Variants in TBCD observed in about 807,000 individuals in gnomAD.
TBCD encodes tubulin folding cofactor D, also known as tubulin-specific chaperone D.
Under a neutral mutation model 169.3 loss-of-function variants are expected in TBCD, and 105 were observed. The observed-to-expected ratio is 0.62, with a 90% CI of 0.53 to 0.73. The LOEUF (loss-of-function observed/expected upper bound fraction) is 0.73, where lower values mean the gene tolerates loss of function less well. Among genes scored for constraint, TBCD ranks in the 30% least tolerant of loss-of-function variants. The pLI, the probability that TBCD is intolerant of heterozygous loss-of-function variation, is 0.00. For missense variants in TBCD, 1,444 were observed against 1,600.1 expected (o/e 0.90, Z 1.66); for synonymous variants, 700 against 643.9 (o/e 1.09, Z -1.32).
At chr17:82,795,579 T>TA in intron 7 of TBCD, 3 of 985,618 alleles carry the variant, frequency 3.0e-6, no homozygotes, top group Non-Finnish European at 2.4e-6. Flanking sequence ...CTGCAGGTGA[T>TA]ACGGTGGTGC....
At chr17:82,933,213 T>C (rs2062352123) in intron 34 of TBCD, among the ~76,000 whole-genome samples, 1 of 151,316 alleles carries the variant, frequency 6.6e-6, no homozygotes, top group Non-Finnish European at 1.5e-5. Context: ...TGGCTCTGAG[T>C]GGTCATCTCG....
chr17:82,810,717 A>G (rs2051370668), intron 12 of TBCD, among the ~76,000 whole-genome samples: 2 of 152,244 alleles, frequency 1.3e-5, no homozygotes, highest in Admixed American at 6.5e-5. Flanking sequence ...GGTCGAGAGC[A>G]GGCGTCCAGC....
chr17:82,905,937 C>G lies in TBCD; in HGVS notation c.1806C>G (p.Val602=), dbSNP rs200014578. 80 of 1,610,156 alleles carry G rather than the reference C, an allele frequency of 5.0e-5. 1 individual carries two copies. The African/African-American group carries it at 8.4e-4, about 17-fold the overall frequency. The change falls in exon 20 of 39, where the codon GTC becomes GTG. Residue 602 remains valine (V), a splice_region_variant and synonymous_variant. Transcript: ENST00000355528. ...CCCTCTCGGCCCTGTCTCTTGCAGT[C>G]TTCCCGAGGCTGCTGTCCATGACAC... ...QQAPEFSATQ[V]FPRLLSMTLS...
At chr17:82,828,007 C>G (rs1458693282) in intron 13 of TBCD, among the ~76,000 whole-genome samples, 1 of 150,606 alleles carries the variant, frequency 6.6e-6, no homozygotes, top group Non-Finnish European at 1.5e-5. Flanking sequence ...GCACACACAC[C>G]TGCAGATATG....
chr17:82,920,000 C>T lies in TBCD; in HGVS notation c.2039-556C>T, dbSNP rs1247079477. On this transcript the variant is annotated intron_variant, in intron 23 of 38. Transcript: ENST00000355528. ...TAGGTAGAGACGGTGGGAGCTAGAGCAGTGTGTGGCCGTGGGAGCTGCTGA... is the reference window on the plus strand; with the variant it reads ...TAGGTAGAGACGGTGGGAGCTAGAGTAGTGTGTGGCCGTGGGAGCTGCTGA... Among the ~76,000 whole-genome samples, 3 of 152,168 alleles carry T rather than the reference C, an allele frequency of 2.0e-5. No homozygotes were observed. In the East Asian group the frequency reaches 5.8e-4, roughly 29 times the overall value.
chr17:82,910,178 G>T (rs867273843), intron 22 of TBCD, among the ~76,000 whole-genome samples: 2 of 152,244 alleles, frequency 1.3e-5, no homozygotes, highest in African/African-American at 4.8e-5. Context: ...AGCATCGCAG[G>T]GTGTGGGGCA....
At chr17:82,817,508 G>A (rs1221431404) in intron 13 of TBCD, among the ~76,000 whole-genome samples, 1 of 152,080 alleles carries the variant, frequency 6.6e-6, no homozygotes, top group African/African-American at 2.4e-5. Context: ...TGTTGTCCGG[G>A]CTGGTCTCGA....
In TBCD at chr17:82,906,133, G is replaced by A. The variant is rs1309337188; in HGVS notation, c.1922+80G>A. On this transcript the variant is annotated intron_variant, in intron 20 of 38. Coordinates refer to ENST00000355528, the MANE Select transcript of TBCD (RefSeq NM_005993.5). ...ATGTAATCACAGTGCTCTCCAGTTC[G>A]AGACTCTCTCATCCCTTCTCATTTT... 1.4e-5 allele frequency: 15 copies of A among 1,107,100 alleles called. No individual in the cohort carries two copies. In the East Asian group the frequency reaches 2.9e-4, roughly 21 times the overall value. The allele number at this position is 1,107,100 out of a possible 1,614,324, so 68.6% of individuals were successfully genotyped here.
chr17:82,910,637 G>A (rs1295093295), intron 22 of TBCD, among the ~76,000 whole-genome samples: 1 of 151,862 alleles, frequency 6.6e-6, no homozygotes, highest in Non-Finnish European at 1.5e-5. Flanking sequence ...CAGCATGTCG[G>A]CTCACTGCAA....
chr17:82,924,205 C>T (rs1423929668), intron 26 of TBCD, among the ~76,000 whole-genome samples: 1 of 152,218 alleles, frequency 6.6e-6, no homozygotes, highest in East Asian at 1.9e-4. Context: ...CCACCTGCCT[C>T]AGCCTCCCAA....
chr17:82,909,608 C>T (rs1210201790), intron 22 of TBCD, among the ~76,000 whole-genome samples: 1 of 141,630 alleles, frequency 7.1e-6, no homozygotes, highest in Non-Finnish European at 1.5e-5. Context: ...GAGGGTCTGA[C>T]CTGGTTGTGT....
chr17:82,831,357 G>C lies in TBCD; in HGVS notation c.1318+16423G>C. On this transcript the variant is annotated intron_variant, in intron 13 of 38. Transcript: ENST00000355528. This position sits in a 1 kb window ranked among gnomAD's most constrained non-coding sequence, Gnocchi z 4.6. Reference sequence around the variant, plus strand: ...CGTGTTTTCTGTTGGGGTCCGAAGGGTTTAACCTGGAAGGACTCGAGGCTG... The same window carrying C: ...CGTGTTTTCTGTTGGGGTCCGAAGGCTTTAACCTGGAAGGACTCGAGGCTG... The C allele has an allele frequency of 5.0e-6, 8 of 1,614,114 alleles. No individual in the cohort carries two copies. Among genetic ancestry groups the C allele is most frequent in the Non-Finnish European group, 6.8e-6 (8 of 1,180,032 alleles).
intron 13 of TBCD, among the ~76,000 whole-genome samples, chr17:82,837,262 A>AGGCTGTCAC (rs1567863425): frequency 6.6e-6 from 1 of 152,232 alleles, no homozygotes. Flanking sequence ...CCAGTACCTC[A>AGGCTGTCAC]GGCTGTCACA....
chr17:82,937,250 A>G lies in TBCD; in HGVS notation c.3192-21A>G, dbSNP rs2062708375. 1.9e-6 allele frequency: 3 copies of G among 1,611,922 alleles called. No individual in the cohort carries two copies. In the East Asian group the frequency reaches 6.7e-5, roughly 36 times the overall value. ...GGCTGCCTGTGAAAGCTCATCTCTA[A>G]AGTGTGTGTTGTTCTTCCAGCCACC... On this transcript the variant is annotated intron_variant, in intron 34 of 38. Coordinates refer to ENST00000355528, the MANE Select transcript of TBCD (RefSeq NM_005993.5).
intron 13 of TBCD, among the ~76,000 whole-genome samples, chr17:82,820,458 A>G (rs1179645598): frequency 6.6e-6 from 1 of 152,252 alleles, no homozygotes; most frequent in Admixed American, 6.5e-5. Context: ...TTGGGTAATA[A>G]TAACTAGCAC....
chr17:82,814,958 G>C, intron 13 of TBCD, 24 bp downstream of exon 13: 1 of 1,607,362 alleles, frequency 6.2e-7, no homozygotes, highest in Non-Finnish European at 8.5e-7. Flanking sequence ...GCACGGTCAG[G>C]GGGGATGTCT....
chr17:82,792,882 C>A (rs1323214513), intron 7 of TBCD, among the ~76,000 whole-genome samples: 1 of 152,134 alleles, frequency 6.6e-6, no homozygotes, highest in Non-Finnish European at 1.5e-5. Context: ...CCCCCCTCAG[C>A]CTCCTGAGTA....
At chr17:82,911,654 AT>A in intron 22 of TBCD, 103 bp from the exon 23 acceptor site, 1 of 1,191,976 alleles carries the variant, frequency 8.4e-7, no homozygotes, top group South Asian at 1.3e-5. Flanking sequence ...ACTAGTTCTC[AT>A]TTTAATGCTT....
chr17:82,780,795 G>A (rs2048897812), intron 6 of TBCD, among the ~76,000 whole-genome samples: 1 of 151,690 alleles, frequency 6.6e-6, no homozygotes, highest in African/African-American at 2.4e-5. Context: ...CAGGCGCACA[G>A]CACCACACCC....
Sources: gnomAD v4.1 joint callset for allele counts (sites outside exome capture counted in the v4.1 genomes callset) on GRCh38, gnomAD v4.1.1 for gene constraint, Gnocchi (gnomAD v3.1) non-coding constraint, MANE v1.5 for transcripts, NCBI Gene and HGNC (gene_info 2026-07-23, HGNC 2026-07-21) for gene names.